The following PHACTR1 variants were observed in gnomAD, a reference collection of about 807,000 sequenced individuals.
The protein encoded by PHACTR1 is phosphatase and actin regulator 1.
A neutral mutation model predicts 69.2 loss-of-function variants in PHACTR1; 16 were observed. The ratio of observed to expected loss-of-function variants is 0.23; its 90% CI spans 0.16 to 0.35. The LOEUF is 0.35. Ranked by LOEUF, PHACTR1 falls within the 10% of genes least tolerant of loss-of-function variation. The pLI is 1.00. For synonymous variants in PHACTR1, 312 were observed against 284.5 expected (o/e 1.10, Z -0.97); for missense variants, 510 against 734.7 (o/e 0.69, Z 3.54).
intron 4 of PHACTR1, among the ~76,000 whole-genome samples, chr6:12,934,163 A>G (rs907623727): frequency 2.0e-5 from 3 of 152,098 alleles, no homozygotes; most frequent in African/African-American, 7.2e-5. Context: ...TCAAAAATGC[A>G]TCACTCCAAT....
intron 4 of PHACTR1, among the ~76,000 whole-genome samples, chr6:12,754,128 ATTTTTTTTT>A (rs34841058): frequency 0.028 from 3,178 of 112,406 alleles, 133 homozygotes; most frequent in East Asian, 0.097. Flanking sequence ...ACGCCTGGCT[ATTTTTTTTT>A]TTTTTTTTTG....
rs142178740 is a variant in PHACTR1, at chr6:13,120,498, C to G, written c.416-39706C>G. 1.3e-3 allele frequency among the ~76,000 whole-genome samples: 197 copies of G among 152,328 alleles called. 1 individual carries two copies. The highest frequency in any genetic ancestry group is 4.2e-3 in the African/African-American group (174 of 41,566). On this transcript the variant is annotated intron_variant, in intron 5 of 14. Coordinates refer to ENST00000332995, the MANE Select transcript of PHACTR1 (RefSeq NM_030948.6). ...GCACGCTGCTGGCCACTTCTGTCTTCACAGGGTGGGGAGGAGAAAGTGTAG... is the reference window on the plus strand; with the variant it reads ...GCACGCTGCTGGCCACTTCTGTCTTGACAGGGTGGGGAGGAGAAAGTGTAG...
chr6:12,740,490 G>A (rs768216122), intron 3 of PHACTR1, among the ~76,000 whole-genome samples: 3 of 151,946 alleles, frequency 2.0e-5, no homozygotes, highest in Non-Finnish European at 1.5e-5. Context: ...AAGTAATGTC[G>A]CTGAGTATCT....
chr6:12,760,173 C>T (rs986306359), intron 4 of PHACTR1, among the ~76,000 whole-genome samples: 17 of 152,142 alleles, frequency 1.1e-4, no homozygotes, highest in Admixed American at 1.0e-3. Flanking sequence ...AAAAATGATT[C>T]GTTTCTGATG....
At chr6:12,900,122 G>A (rs1785042573) in intron 4 of PHACTR1, among the ~76,000 whole-genome samples, 1 of 152,074 alleles carries the variant, frequency 6.6e-6, no homozygotes, top group Admixed American at 6.6e-5. Context: ...ATCGCCTTCT[G>A]GTCTCCTTGC....
intron 10 of PHACTR1, among the ~76,000 whole-genome samples, chr6:13,260,225 T>C (rs976547363): frequency 1.3e-5 from 2 of 152,190 alleles, no homozygotes; most frequent in African/African-American, 4.8e-5. Context: ...GTATCACCAA[T>C]GTAATGGATA....
At chr6:13,088,395 C>T (rs1485899008) in intron 5 of PHACTR1, among the ~76,000 whole-genome samples, 3 of 151,488 alleles carry the variant, frequency 2.0e-5, no homozygotes, top group Non-Finnish European at 2.9e-5. Flanking sequence ...CACCCTGGAC[C>T]TGGCTCTTTA....
chr6:12,859,987 T>TTCATCATCATCA (rs71552721), intron 4 of PHACTR1, among the ~76,000 whole-genome samples: 78 of 150,436 alleles, frequency 5.2e-4, no homozygotes, highest in Non-Finnish European at 8.3e-4. Flanking sequence ...GAAGGACATC[T>TTCATCATCATCA]TCATCATCAT....
intron 12 of PHACTR1, chr6:13,280,744 C>A (rs914252650): frequency 1.2e-4 from 40 of 337,876 alleles, no homozygotes; most frequent in Non-Finnish European, 4.7e-5. Context: ...TGCGGCCAGG[C>A]GCAGTGGCTC....
intron 3 of PHACTR1, among the ~76,000 whole-genome samples, chr6:12,739,969 C>T (rs1764824451): frequency 6.6e-6 from 1 of 152,200 alleles, no homozygotes; most frequent in Admixed American, 6.5e-5. Context: ...ACATACAATT[C>T]CCTACATTTC....
chr6:13,269,330 T>C (rs565322467), intron 10 of PHACTR1, among the ~76,000 whole-genome samples: 5 of 152,108 alleles, frequency 3.3e-5, no homozygotes, highest in Admixed American at 3.3e-4. Flanking sequence ...CAACGTGGAG[T>C]TGGTAAGCTG....
At chr6:12,957,903 G>A (rs1792104740) in intron 4 of PHACTR1, 5 of 985,170 alleles carry the variant, frequency 5.1e-6, no homozygotes, top group Non-Finnish European at 6.0e-6. Context: ...GGCGTGTGTA[G>A]CATGTGTATT....
intron 4 of PHACTR1, among the ~76,000 whole-genome samples, chr6:13,019,908 G>C (rs1181327616): frequency 2.6e-5 from 4 of 152,222 alleles, no homozygotes; most frequent in African/African-American, 9.6e-5. Flanking sequence ...CCTTCTAGAA[G>C]TGTCTAAAAG....
At chr6:12,740,577 A>G (rs1284306113) in intron 3 of PHACTR1, among the ~76,000 whole-genome samples, 1 of 152,182 alleles carries the variant, frequency 6.6e-6, no homozygotes, top group African/African-American at 2.4e-5. Flanking sequence ...CCATTTAAAA[A>G]AAATTGAGTT....
chr6:12,836,301 T>A (rs1174618944), intron 4 of PHACTR1, among the ~76,000 whole-genome samples: 1 of 152,186 alleles, frequency 6.6e-6, no homozygotes, highest in Non-Finnish European at 1.5e-5. Context: ...TCAGGACAAA[T>A]GATGGAATAA....
intron 4 of PHACTR1, among the ~76,000 whole-genome samples, chr6:12,853,862 G>A (rs1780065782): frequency 6.6e-6 from 1 of 152,180 alleles, no homozygotes; most frequent in Non-Finnish European, 1.5e-5. Context: ...AGATTTGGGT[G>A]GGGACACAGC....
chr6:13,028,922 G>C (rs1802064074), intron 4 of PHACTR1, among the ~76,000 whole-genome samples: 1 of 152,170 alleles, frequency 6.6e-6, no homozygotes, highest in Admixed American at 6.5e-5. Flanking sequence ...GATTGAGGAA[G>C]GGAGAAATGC....
At chr6:13,078,782 G>A (rs1001426624) in intron 5 of PHACTR1, among the ~76,000 whole-genome samples, 3 of 152,098 alleles carry the variant, frequency 2.0e-5, no homozygotes, top group African/African-American at 7.2e-5. Context: ...CAGAATAGTT[G>A]TATAGCCAGG....
intron 4 of PHACTR1, among the ~76,000 whole-genome samples, chr6:12,817,483 A>G (rs1431587074): frequency 6.6e-6 from 1 of 152,228 alleles, no homozygotes. Flanking sequence ...GGACGAGTTT[A>G]TCTTTCTGAT....
Sources: gnomAD v4.1 joint callset for allele counts (sites outside exome capture counted in the v4.1 genomes callset) on GRCh38, gnomAD v4.1.1 for gene constraint, MANE v1.5 for transcripts, NCBI Gene and HGNC (gene_info 2026-07-23, HGNC 2026-07-21) for gene names.